The following PCDHGA3 variants were observed in gnomAD, a reference collection of about 807,000 sequenced individuals.
The protein encoded by PCDHGA3 is protocadherin gamma-A3.
PCDHGA3 carries 40 observed loss-of-function variants against 58.5 expected under a neutral mutation model. The ratio of observed to expected loss-of-function variants is 0.68; its 90% CI spans 0.53 to 0.89. The LOEUF is 0.89. PCDHGA3 is among the 40% of genes least tolerant of loss of function. The pLI, the probability that PCDHGA3 is intolerant of heterozygous loss-of-function variation, is 0.00. For missense variants in PCDHGA3, 1,223 were observed against 1,195.9 expected (o/e 1.02, Z -0.33); for synonymous variants, 530 against 525.7 (o/e 1.01, Z -0.11).
intron 1 of PCDHGA3, among the ~76,000 whole-genome samples, chr5:141,479,129 C>T (rs2099488562): frequency 6.6e-6 from 1 of 152,154 alleles, no homozygotes; most frequent in South Asian, 2.1e-4. Context: ...AAATGATGTG[C>T]ACCCTGCTTA....
At position 141,422,330 on chromosome 5, in the gene PCDHGA3, C is replaced by T. The variant is rs200342957; in HGVS notation, c.2425-72477C>T. 1,454 of 1,548,164 alleles carry T rather than the reference C, an allele frequency of 9.4e-4. 3 individuals carry two copies. The highest frequency in any genetic ancestry group is 7.9e-4 in the Non-Finnish European group (910 of 1,153,526). On this transcript the variant is annotated intron_variant, in intron 1 of 3. Transcript: ENST00000253812. The stretch of plus-strand genomic sequence containing the variant: ...AACTCTCCTCCAGGTACAGTGATTG[C>T]TCTTCTAAATGTGCAAGATCAAGAT...
chr5:141,511,730 T>C lies in PCDHGA3; in HGVS notation c.*557T>C, dbSNP rs772107999. 5.1e-5 allele frequency: 9 copies of C among 177,790 alleles called. No homozygotes were observed. The highest frequency in any genetic ancestry group is 5.3e-5 in the Admixed American group (1 of 18,706). The allele number at this position is 177,790 out of a possible 1,614,324, so 11.0% of individuals were successfully genotyped here. On this transcript the variant is annotated 3_prime_UTR_variant, in exon 4 of 4. Transcript: ENST00000253812. ...ACCTCCTTCCAGAGCCCAAGATCAA[T>C]GCTCAAGTTTTGGAGGACATGATCA...
At chr5:141,405,394 C>A (rs761584699) in intron 1 of PCDHGA3, 7 of 1,593,014 alleles carry the variant, frequency 4.4e-6, no homozygotes, top group Non-Finnish European at 6.0e-6. Context: ...CATTTTTTTT[C>A]TTTCTTTCTT....
At chr5:141,393,056 C>G in intron 1 of PCDHGA3, 2 of 1,613,606 alleles carry the variant, frequency 1.2e-6, no homozygotes, top group South Asian at 1.1e-5. Context: ...ACCCGCGCAG[C>G]GGCAGCTTGA....
At chr5:141,450,190 G>A (rs1368992094) in intron 1 of PCDHGA3, among the ~76,000 whole-genome samples, 1 of 151,588 alleles carries the variant, frequency 6.6e-6, no homozygotes, top group African/African-American at 2.4e-5. Flanking sequence ...GCTAATTTTT[G>A]TATTTTTAGT....
chr5:141,468,039 A>G (rs1007212946), intron 1 of PCDHGA3, among the ~76,000 whole-genome samples: 21 of 152,262 alleles, frequency 1.4e-4, no homozygotes, highest in African/African-American at 5.1e-4. Context: ...CATTTAGAAA[A>G]CTAAGCCGGG....
intron 1 of PCDHGA3, among the ~76,000 whole-genome samples, chr5:141,438,370 A>G (rs2097956460): frequency 1.3e-5 from 2 of 152,004 alleles, no homozygotes; most frequent in South Asian, 4.2e-4. Context: ...CATTGAGGGC[A>G]GATATAATTT....
chr5:141,494,749 G>C (rs573811540), intron 1 of PCDHGA3, 58 bp from the exon 2 acceptor site: 3 of 1,612,818 alleles, frequency 1.9e-6, no homozygotes, highest in South Asian at 2.2e-5. Context: ...CTAGGGGCTC[G>C]GGTGACATTC....
At chr5:141,414,670 A>G in intron 1 of PCDHGA3, 1 of 1,613,894 alleles carries the variant, frequency 6.2e-7, no homozygotes. Context: ...GGCTGAAGAC[A>G]CCATCCAGGG....
chr5:141,369,529 T>C (rs1766316708), intron 1 of PCDHGA3, among the ~76,000 whole-genome samples: 1 of 152,170 alleles, frequency 6.6e-6, no homozygotes, highest in South Asian at 2.1e-4. Flanking sequence ...TCAATCATAC[T>C]TATTTAATTA....
intron 1 of PCDHGA3, among the ~76,000 whole-genome samples, chr5:141,448,573 AT>A (rs976781630): frequency 1.3e-5 from 2 of 151,652 alleles, no homozygotes; most frequent in East Asian, 1.9e-4. Flanking sequence ...TTATTTCCCC[AT>A]TTTTTTTACA....
At chr5:141,408,051 C>A in intron 1 of PCDHGA3, 3 of 1,264,368 alleles carry the variant, frequency 2.4e-6, no homozygotes, top group Non-Finnish European at 3.2e-6. Context: ...CCACACAGAG[C>A]CTCCCGGCTG....
At chr5:141,379,679 T>C (rs561648427) in intron 1 of PCDHGA3, 1 of 152,142 alleles carries the variant, frequency 6.6e-6, no homozygotes, top group African/African-American at 2.4e-5. Flanking sequence ...CATTCACTCA[T>C]GTGGACTGAC....
intron 1 of PCDHGA3, among the ~76,000 whole-genome samples, chr5:141,457,836 C>T (rs1418402508): frequency 6.6e-6 from 1 of 152,202 alleles, no homozygotes; most frequent in African/African-American, 2.4e-5. Context: ...GCTTCCAGAC[C>T]TGTTAGAAAG....
At chr5:141,354,253 T>G (rs929427667) in intron 1 of PCDHGA3, among the ~76,000 whole-genome samples, 2 of 152,350 alleles carry the variant, frequency 1.3e-5, no homozygotes, top group East Asian at 1.9e-4. Context: ...ATTTACCCAT[T>G]GTTTTAGGCT....
chr5:141,491,800 C>G lies in PCDHGA3; in HGVS notation c.2425-3007C>G. The G allele has an allele frequency of 6.7e-7, 1 of 1,500,854 alleles. No individual in the cohort carries two copies. The highest frequency in any genetic ancestry group is 8.9e-7 in the Non-Finnish European group (1 of 1,125,316). 93.0% of individuals were successfully genotyped at this position (1,500,854 alleles called of 1,614,324 possible). A position where few individuals can be genotyped will look rare whatever the true frequency, so the allele number is the denominator to read the frequency against. ...GAACTTGCATCCACTCCTCTCCGGC[C>G]GGCTTGGTCGCTGGCTGCGCTCCAC... On this transcript the variant is annotated intron_variant, in intron 1 of 3. Transcript: ENST00000253812. The surrounding 1 kb of genome is among the most constrained non-coding windows in gnomAD (Gnocchi z 6.9).
rs563876979 is a variant in PCDHGA3, at chr5:141,417,900, G to A, written c.2424+71443G>A. 5 of 1,583,452 alleles carry A rather than the reference G, an allele frequency of 3.2e-6. No individual in the cohort carries two copies. Among genetic ancestry groups the A allele is most frequent in the South Asian group, 2.3e-5 (2 of 88,062 alleles). On this transcript the variant is annotated intron_variant, in intron 1 of 3. Coordinates refer to ENST00000253812, the MANE Select transcript of PCDHGA3 (RefSeq NM_018916.4). ...GCGCAGAGGCGCCGGGCCGGCCCGC[G>A]GCAGGTACTATTTCCTTTGCTGCTG...
intron 1 of PCDHGA3, chr5:141,430,853 C>A: frequency 6.3e-7 from 1 of 1,587,214 alleles, no homozygotes; most frequent in Non-Finnish European, 8.6e-7. Flanking sequence ...CACCCAGATA[C>A]GCTATTCAGT....
chr5:141,422,576 C>G (rs778942661), intron 1 of PCDHGA3: 1 of 1,614,034 alleles, frequency 6.2e-7, no homozygotes, highest in South Asian at 1.1e-5. Context: ...AACGATAACC[C>G]TCCCGTTTTT....
Sources: gnomAD v4.1 joint callset for allele counts (sites outside exome capture counted in the v4.1 genomes callset) on GRCh38, gnomAD v4.1.1 for gene constraint, Gnocchi (gnomAD v3.1) non-coding constraint, MANE v1.5 for transcripts, NCBI Gene and HGNC (gene_info 2026-07-23, HGNC 2026-07-21) for gene names.